Variants in FANCC observed in about 807,000 individuals in gnomAD.
FANCC encodes Fanconi anemia group C protein.
A neutral mutation model predicts 71.3 loss-of-function variants in FANCC; 55 were observed. The ratio of observed to expected loss-of-function variants is 0.77; its 90% CI spans 0.62 to 0.97. FANCC has a LOEUF of 0.97. Ranked by LOEUF, FANCC falls within the 50% of genes least tolerant of loss-of-function variation. FANCC has a pLI of 0.00. For missense variants in FANCC, 678 were observed against 670.9 expected (o/e 1.01, Z -0.12); for synonymous variants, 275 against 244.9 (o/e 1.12, Z -1.15).
intron 6 of FANCC, among the ~76,000 whole-genome samples, chr9:95,159,111 C>T (rs1039419437): frequency 6.6e-6 from 1 of 151,986 alleles, no homozygotes; most frequent in African/African-American, 2.4e-5. Context: ...TATACACGTG[C>T]CATGTTGGTT....
At chr9:95,294,074 A>G in intron 1 of FANCC, 1 of 1,610,668 alleles carries the variant, frequency 6.2e-7, no homozygotes, top group Non-Finnish European at 8.5e-7. Context: ...CCTTCACAGA[A>G]CATGACAGAT....
At chr9:95,313,633 C>G (rs1339957125) in intron 1 of FANCC, among the ~76,000 whole-genome samples, 1 of 152,138 alleles carries the variant, frequency 6.6e-6, no homozygotes, top group African/African-American at 2.4e-5. Flanking sequence ...GCCACTATTA[C>G]GGTAATACCA....
chr9:95,111,216 AG>A lies in FANCC; in HGVS notation c.1329+246del, dbSNP rs542091036. The A allele has an allele frequency of 1.0e-5, 16 of 1,536,450 alleles. No homozygotes were observed. In the Admixed American group the frequency reaches 3.1e-4, roughly 30 times the overall value. On this transcript the variant is annotated intron_variant, in intron 13 of 14. Transcript: ENST00000289081. The stretch of plus-strand genomic sequence containing the variant: ...ACAGATCAAATGACCTTGGGGAAGA[AG>A]GGTCTTCGTTTTGCAGGAGAATGGG...
chr9:95,184,593 A>G (rs933296832), intron 4 of FANCC, among the ~76,000 whole-genome samples: 30 of 152,352 alleles, frequency 2.0e-4, no homozygotes, highest in East Asian at 7.7e-4. Context: ...GAAAAATTCA[A>G]TGTCACAAAG....
At chr9:95,164,673 C>A (rs770768322) in intron 6 of FANCC, among the ~76,000 whole-genome samples, 17 of 152,096 alleles carry the variant, frequency 1.1e-4, no homozygotes, top group Non-Finnish European at 1.9e-4. Context: ...TTATACATAT[C>A]TTTTTAACGT....
intron 5 of FANCC, among the ~76,000 whole-genome samples, chr9:95,171,739 A>G (rs1045635155): frequency 6.6e-6 from 1 of 152,232 alleles, no homozygotes; most frequent in African/African-American, 2.4e-5. Context: ...GACTGTGTTT[A>G]TAATAGCTAA....
chr9:95,302,430 T>C (rs1297585127), intron 1 of FANCC, among the ~76,000 whole-genome samples: 1 of 152,210 alleles, frequency 6.6e-6, no homozygotes. Flanking sequence ...CTCAAAGGGC[T>C]GTTTTGAGGA....
chr9:95,314,015 T>C (rs376266187), intron 1 of FANCC, among the ~76,000 whole-genome samples: 1 of 152,072 alleles, frequency 6.6e-6, no homozygotes, highest in African/African-American at 2.4e-5. Context: ...CCCCCTAAGA[T>C]GAGAAATAAG....
intron 10 of FANCC, among the ~76,000 whole-genome samples, chr9:95,121,483 G>A (rs1289737416): frequency 2.0e-5 from 3 of 152,224 alleles, no homozygotes; most frequent in Non-Finnish European, 4.4e-5. Context: ...ATCTATGAAA[G>A]TTGAACTTTT....
rs180800801 is a variant in FANCC at position 95,152,783 on chromosome 9, T to G, written c.522-2696A>C. Reference sequence around the variant, plus strand: ...GTGTAGTTTTTTTCACTACCCCCCATCCCACTCTCCTCCCCCTTCTGAGTC... The same window carrying G: ...GTGTAGTTTTTTTCACTACCCCCCAGCCCACTCTCCTCCCCCTTCTGAGTC... On this transcript the variant is annotated intron_variant, in intron 6 of 14. Coordinates refer to ENST00000289081, the MANE Select transcript of FANCC (RefSeq NM_000136.3). 1.1e-4 allele frequency among the ~76,000 whole-genome samples: 16 copies of G among 150,118 alleles called. No homozygotes were observed. The East Asian group carries it at 3.2e-3, about 30-fold the overall frequency.
intron 7 of FANCC, among the ~76,000 whole-genome samples, chr9:95,135,847 G>A (rs1458471327): frequency 2.0e-5 from 3 of 152,170 alleles, no homozygotes; most frequent in African/African-American, 7.2e-5. Flanking sequence ...GAAGAAATAG[G>A]CATGTTCAAA....
chr9:95,111,896 G>A (rs549380344), intron 12 of FANCC, among the ~76,000 whole-genome samples: 72 of 152,168 alleles, frequency 4.7e-4, no homozygotes, highest in Non-Finnish European at 9.4e-4. Context: ...ATCCAGGTAC[G>A]TTCAGTGAGG....
chr9:95,284,980 G>A (rs1054532456), intron 1 of FANCC, among the ~76,000 whole-genome samples: 1 of 150,926 alleles, frequency 6.6e-6, no homozygotes, highest in African/African-American at 2.4e-5. Flanking sequence ...AAGGAATAAG[G>A]GAGAAAGCAT....
At position 95,107,038 on chromosome 9, in the gene FANCC, T is replaced by G. The variant is rs752042825; in HGVS notation, c.1533+28A>C. The G allele has an allele frequency of 2.5e-6, 4 of 1,611,958 alleles. No homozygotes were observed. The African/African-American group carries it at 4.0e-5, about 16-fold the overall frequency. On this transcript the variant is annotated intron_variant, in intron 14 of 14. Coordinates refer to ENST00000289081, the MANE Select transcript of FANCC (RefSeq NM_000136.3). ...TCTCGCCTGGAGCAGAAATGAGTAC[T>G]AGGATGCTGGACCACAGGGAGACTT...
At chr9:95,310,407 G>C (rs1835319476) in intron 1 of FANCC, among the ~76,000 whole-genome samples, 1 of 151,684 alleles carries the variant, frequency 6.6e-6, no homozygotes, top group Non-Finnish European at 1.5e-5. Flanking sequence ...GTTGGTTCAA[G>C]AAACTGGCAA....
At chr9:95,144,492 C>T (rs983771893) in intron 7 of FANCC, among the ~76,000 whole-genome samples, 1 of 152,208 alleles carries the variant, frequency 6.6e-6, no homozygotes, top group African/African-American at 2.4e-5. Context: ...TGTGCTAGAG[C>T]AGGAGTAGCT....
Position 95,101,371 on chromosome 9 carries a change from G to T in FANCC, c.*336C>A. ...CTTTGAATTTTTAAATAATAGATGT[G>T]CAGCTTGACTTGGGTAAAAACTAGA... On this transcript the variant is annotated 3_prime_UTR_variant, in exon 15 of 15. Coordinates refer to ENST00000289081, the MANE Select transcript of FANCC (RefSeq NM_000136.3). 2.4e-6 allele frequency: 1 copy of T among 414,972 alleles called. No homozygotes were observed. The highest frequency in any genetic ancestry group is 4.5e-6 in the Non-Finnish European group (1 of 224,526). The allele number at this position is 414,972 out of a possible 1,614,324, so 25.7% of individuals were successfully genotyped here.
intron 13 of FANCC, chr9:95,110,563 T>G (rs2071835840): frequency 7.7e-6 from 8 of 1,033,076 alleles, no homozygotes; most frequent in Non-Finnish European, 9.3e-6. Flanking sequence ...ATCACCAAAT[T>G]TCAACTTTTT....
intron 1 of FANCC, among the ~76,000 whole-genome samples, chr9:95,315,501 G>A (rs1436425023): frequency 6.6e-6 from 1 of 152,192 alleles, no homozygotes; most frequent in African/African-American, 2.4e-5. Context: ...TGGGATTACA[G>A]GCATAAGCCA....
Sources: allele counts gnomAD v4.1 joint callset (sites outside exome capture counted in the v4.1 genomes callset), GRCh38; gene constraint gnomAD v4.1.1; transcripts MANE v1.5; gene names NCBI Gene and HGNC (gene_info 2026-07-23, HGNC 2026-07-21).